EXT1: variants seen among roughly 807,000 people sequenced by gnomAD.
EXT1 encodes the protein exostosin-1.
A neutral mutation model predicts 82.5 loss-of-function variants in EXT1; 20 were observed. The observed-to-expected ratio is 0.24, with a 90% CI of 0.17 to 0.35. The LOEUF (loss-of-function observed/expected upper bound fraction) is 0.35. Ranked by LOEUF, EXT1 falls within the 10% of genes least tolerant of loss-of-function variation. The probability of loss-of-function intolerance (pLI) is 1.00; values close to 1 mark genes in which losing one functional copy is unlikely to be tolerated. For missense variants in EXT1, 757 were observed against 936.5 expected (o/e 0.81, Z 2.50); for synonymous variants, 348 against 350.8 (o/e 0.99, Z 0.09).
At chr8:117,906,480 T>A (rs374454305) in intron 1 of EXT1, among the ~76,000 whole-genome samples, 10 of 152,192 alleles carry the variant, frequency 6.6e-5, no homozygotes, top group African/African-American at 2.2e-4. Context: ...CCAATCAATC[T>A]AAGTTGCCAT....
At chr8:118,041,175 GAA>G (rs978022009) in intron 1 of EXT1, among the ~76,000 whole-genome samples, 49 of 152,316 alleles carry the variant, frequency 3.2e-4, no homozygotes, top group African/African-American at 1.0e-3. Context: ...CCTCAAGTCT[GAA>G]AAAGTCATTA....
chr8:117,939,588 A>G lies in EXT1; in HGVS notation c.963-102387T>C, dbSNP rs529143272. Among the ~76,000 whole-genome samples, 26 of 134,716 alleles carry G rather than the reference A, an allele frequency of 1.9e-4. No homozygotes were observed. In the South Asian group the frequency reaches 5.7e-3, roughly 29 times the overall value. 88.4% of individuals were successfully genotyped at this position (134,716 alleles called of 152,430 possible). A position where few individuals can be genotyped will look rare whatever the true frequency, so the allele number is the denominator to read the frequency against. The stretch of plus-strand genomic sequence containing the variant: ...CCATCTCTGAAAAAAAAAAAAAAAG[A>G]AAAAGAAAAAAGAATAATAGTGAAG... On this transcript the variant is annotated intron_variant, in intron 1 of 10. Transcript: ENST00000378204.
At chr8:117,974,325 ACT>A (rs1815023631) in intron 1 of EXT1, among the ~76,000 whole-genome samples, 1 of 151,750 alleles carries the variant, frequency 6.6e-6, no homozygotes, top group Non-Finnish European at 1.5e-5. Context: ...AGGTTTCCCG[ACT>A]CTCTGGGATC....
chr8:118,005,388 G>T (rs1440786937), intron 1 of EXT1, among the ~76,000 whole-genome samples: 1 of 152,150 alleles, frequency 6.6e-6, no homozygotes, highest in Non-Finnish European at 1.5e-5. Flanking sequence ...AGCAACTGAG[G>T]AATAGGCACC....
intron 1 of EXT1, among the ~76,000 whole-genome samples, chr8:118,015,800 G>A (rs1815991782): frequency 1.3e-5 from 2 of 152,202 alleles, no homozygotes; most frequent in Non-Finnish European, 2.9e-5. Flanking sequence ...CTGGAGTGGG[G>A]AGGGCCCTTA....
At chr8:117,966,612 T>C (rs905742841) in intron 1 of EXT1, among the ~76,000 whole-genome samples, 2 of 152,162 alleles carry the variant, frequency 1.3e-5, no homozygotes, top group Non-Finnish European at 2.9e-5. Flanking sequence ...ATCCCCTCTT[T>C]CCTTTCTTTC....
chr8:117,848,410 C>T (rs1001045634), intron 1 of EXT1, among the ~76,000 whole-genome samples: 1 of 152,186 alleles, frequency 6.6e-6, no homozygotes, highest in African/African-American at 2.4e-5. Flanking sequence ...TCCTCCTCCT[C>T]CAGCTGGCCA....
intron 1 of EXT1, among the ~76,000 whole-genome samples, chr8:118,065,619 T>C (rs554429625): frequency 2.9e-4 from 44 of 152,354 alleles, no homozygotes; most frequent in African/African-American, 1.0e-3. Context: ...AAACTGCATA[T>C]TGTGTTGGGC....
intron 1 of EXT1, among the ~76,000 whole-genome samples, chr8:118,037,841 T>G (rs1308688384): frequency 1.2e-4 from 17 of 146,262 alleles, no homozygotes; most frequent in Non-Finnish European, 1.9e-4. Flanking sequence ...TTTTTGTTTT[T>G]TTTTTTTTTT....
chr8:117,995,110 T>C (rs1276056535), intron 1 of EXT1, among the ~76,000 whole-genome samples: 3 of 152,190 alleles, frequency 2.0e-5, no homozygotes, highest in Admixed American at 6.5e-5. Flanking sequence ...CACTTAAAGA[T>C]TTCACCCTCA....
intron 1 of EXT1, among the ~76,000 whole-genome samples, chr8:117,896,962 GT>G (rs1414645682): frequency 1.3e-5 from 2 of 152,020 alleles, no homozygotes; most frequent in African/African-American, 4.8e-5. Context: ...CTGCCTCCAT[GT>G]TTCCCTTCAC....
At chr8:117,833,344 C>T (rs1015804947) in intron 3 of EXT1, among the ~76,000 whole-genome samples, 3 of 152,162 alleles carry the variant, frequency 2.0e-5, no homozygotes, top group Non-Finnish European at 2.9e-5. Flanking sequence ...TGGCTGGGCG[C>T]GCTGGCTCAC....
intron 1 of EXT1, among the ~76,000 whole-genome samples, chr8:117,881,238 T>G (rs1171969431): frequency 6.6e-6 from 1 of 152,206 alleles, no homozygotes; most frequent in Non-Finnish European, 1.5e-5. Flanking sequence ...AGAAAAAATG[T>G]CACCGTTTAA....
At chr8:117,906,867 C>T (rs1278003239) in intron 1 of EXT1, among the ~76,000 whole-genome samples, 2 of 152,186 alleles carry the variant, frequency 1.3e-5, no homozygotes. Context: ...ACAGGTCTTA[C>T]TCCACCCCAC....
At chr8:118,106,552 G>A (rs560234483) in intron 1 of EXT1, among the ~76,000 whole-genome samples, 20 of 152,188 alleles carry the variant, frequency 1.3e-4, no homozygotes, top group Non-Finnish European at 2.5e-4. Context: ...AAAAAGAATT[G>A]CACACAATCT....
intron 1 of EXT1, among the ~76,000 whole-genome samples, chr8:118,089,092 A>T (rs1817478705): frequency 6.6e-6 from 1 of 152,082 alleles, no homozygotes; most frequent in Admixed American, 6.6e-5. Flanking sequence ...ATTGTATGTT[A>T]TTTTTATACA....
intron 1 of EXT1, among the ~76,000 whole-genome samples, chr8:118,012,924 A>G (rs1252208861): frequency 6.6e-6 from 1 of 152,184 alleles, no homozygotes; most frequent in Non-Finnish European, 1.5e-5. Context: ...GATTCTTTCT[A>G]TCGTTAGTAA....
chr8:118,068,841 T>C (rs913638882), intron 1 of EXT1, among the ~76,000 whole-genome samples: 5 of 152,210 alleles, frequency 3.3e-5, no homozygotes, highest in African/African-American at 1.2e-4. Flanking sequence ...CTCAAATTTT[T>C]TAGAAGAGTT....
At chr8:117,995,598 C>T (rs1815520720) in intron 1 of EXT1, among the ~76,000 whole-genome samples, 1 of 152,002 alleles carries the variant, frequency 6.6e-6, no homozygotes, top group African/African-American at 2.4e-5. Context: ...ACCATTTTGC[C>T]TCTCTGACTT....
Sources: allele counts gnomAD v4.1 joint callset (sites outside exome capture counted in the v4.1 genomes callset), GRCh38; gene constraint gnomAD v4.1.1; transcripts MANE v1.5; gene names NCBI Gene and HGNC (gene_info 2026-07-23, HGNC 2026-07-21).